Variants in CFAP299 observed in about 807,000 individuals in gnomAD.
The protein encoded by CFAP299 is cilia and flagella associated protein 299.
In CFAP299, 21 loss-of-function variants were observed where a neutral mutation model predicts 27.0. That is an observed-to-expected ratio of 0.78 (90% confidence interval 0.55 to 1.12). The LOEUF (loss-of-function observed/expected upper bound fraction) is 1.12. CFAP299 is among the 50% of genes most tolerant of loss of function. The pLI, the probability that CFAP299 is intolerant of heterozygous loss-of-function variation, is 0.00. For missense variants in CFAP299, 310 were observed against 276.6 expected (o/e 1.12, Z -0.86); for synonymous variants, 104 against 98.1 (o/e 1.06, Z -0.36).
chr4:80,668,126 T>C (rs1741233663), intron 3 of CFAP299, among the ~76,000 whole-genome samples: 1 of 148,286 alleles, frequency 6.7e-6, no homozygotes, highest in Non-Finnish European at 1.5e-5. Flanking sequence ...TTGGGAAATA[T>C]CTATTCAGTT....
At chr4:80,800,611 T>G (rs1423178860) in intron 3 of CFAP299, among the ~76,000 whole-genome samples, 1 of 98,470 alleles carries the variant, frequency 1.0e-5, no homozygotes, top group Non-Finnish European at 1.8e-5. Flanking sequence ...TATAAATATA[T>G]AATATATAAT....
chr4:80,665,805 T>G (rs2109986910), intron 3 of CFAP299, among the ~76,000 whole-genome samples: 1 of 152,270 alleles, frequency 6.6e-6, no homozygotes, highest in Middle Eastern at 3.4e-3. Context: ...TTCAGTACAA[T>G]CGCCTTGGTA....
At chr4:80,596,475 T>C (rs1737068823) in intron 3 of CFAP299, among the ~76,000 whole-genome samples, 1 of 152,194 alleles carries the variant, frequency 6.6e-6, no homozygotes, top group South Asian at 2.1e-4. Context: ...CTTTTAAATA[T>C]TTAGGGCTTT....
At chr4:80,748,372 A>T (rs1724739489) in intron 3 of CFAP299, among the ~76,000 whole-genome samples, 1 of 152,132 alleles carries the variant, frequency 6.6e-6, no homozygotes, top group African/African-American at 2.4e-5. Context: ...AAATAATTTA[A>T]CATGTCTTTA....
At chr4:80,506,232 C>T (rs552707902) in intron 2 of CFAP299, among the ~76,000 whole-genome samples, 62 of 152,112 alleles carry the variant, frequency 4.1e-4, no homozygotes, top group African/African-American at 1.5e-3. Context: ...TATTGGTTCT[C>T]ATTTTAAAAA....
At chr4:80,810,718 C>CTGTGAGATGA (rs1189127740) in intron 3 of CFAP299, among the ~76,000 whole-genome samples, 1 of 152,086 alleles carries the variant, frequency 6.6e-6, no homozygotes, top group Admixed American at 6.6e-5. Context: ...GCCTCAGGAA[C>CTGTGAGATGA]TGTGAGATGA....
chr4:80,564,373 A>G (rs1422049840), intron 2 of CFAP299, among the ~76,000 whole-genome samples: 2 of 152,066 alleles, frequency 1.3e-5, no homozygotes, highest in East Asian at 1.9e-4. Flanking sequence ...AGATGTTTCA[A>G]CATATGCAAG....
intron 3 of CFAP299, among the ~76,000 whole-genome samples, chr4:80,652,318 A>G (rs1351018892): frequency 6.6e-6 from 1 of 152,178 alleles, no homozygotes; most frequent in African/African-American, 2.4e-5. Flanking sequence ...AATATTTTAT[A>G]AAATATGTAT....
chr4:80,696,379 A>G (rs1331875920), intron 3 of CFAP299, among the ~76,000 whole-genome samples: 2 of 152,114 alleles, frequency 1.3e-5, no homozygotes, highest in African/African-American at 4.8e-5. Context: ...TTCAGAGAAT[A>G]GACAGGAAAA....
chr4:80,877,203 T>A (rs1733425637), intron 4 of CFAP299, among the ~76,000 whole-genome samples: 1 of 152,182 alleles, frequency 6.6e-6, no homozygotes, highest in African/African-American at 2.4e-5. Context: ...TTCAAAAAAA[T>A]TTTGTAATAT....
At chr4:80,706,355 A>C (rs995189602) in intron 3 of CFAP299, among the ~76,000 whole-genome samples, 7 of 151,790 alleles carry the variant, frequency 4.6e-5, no homozygotes, top group Non-Finnish European at 8.8e-5. Flanking sequence ...AAAAAATCCC[A>C]CTTATATTAA....
intron 4 of CFAP299, among the ~76,000 whole-genome samples, chr4:80,942,671 T>C (rs956251167): frequency 7.9e-5 from 12 of 152,266 alleles, no homozygotes; most frequent in African/African-American, 2.4e-4. Flanking sequence ...AATAAGACTT[T>C]TAATTTGGGG....
chr4:80,414,094 G>A (rs1442513069), intron 2 of CFAP299, among the ~76,000 whole-genome samples: 4 of 126,908 alleles, frequency 3.2e-5, no homozygotes, highest in Middle Eastern at 5.0e-3. Flanking sequence ...TTTTTGAGAC[G>A]GAGTCTCGCT....
At chr4:80,799,859 ATATAT>A in intron 3 of CFAP299, among the ~76,000 whole-genome samples, 32 of 30,286 alleles carry the variant, frequency 1.1e-3, no homozygotes, top group South Asian at 3.9e-3. Flanking sequence ...ATATATAAAT[ATATAT>A]TATATATATT....
At chr4:80,841,909 A>G (rs945378660) in intron 3 of CFAP299, among the ~76,000 whole-genome samples, 3 of 152,138 alleles carry the variant, frequency 2.0e-5, no homozygotes, top group African/African-American at 4.8e-5. Context: ...AGGTCTTGGC[A>G]AGAAGACAAC....
chr4:80,724,066 A>G (rs1368677949), intron 3 of CFAP299, among the ~76,000 whole-genome samples: 1 of 152,092 alleles, frequency 6.6e-6, no homozygotes, highest in Admixed American at 6.5e-5. Flanking sequence ...CTTGGATCCA[A>G]CTCTGTAGCT....
intron 3 of CFAP299, among the ~76,000 whole-genome samples, chr4:80,840,978 C>A (rs942313682): frequency 1.3e-5 from 2 of 152,004 alleles, no homozygotes; most frequent in African/African-American, 4.8e-5. Context: ...TCACTCTCAT[C>A]CAGTTGAGAA....
chr4:80,578,305 C>A (rs1289177503), intron 2 of CFAP299, among the ~76,000 whole-genome samples: 10 of 152,150 alleles, frequency 6.6e-5, no homozygotes, highest in Admixed American at 5.2e-4. Flanking sequence ...TTAAGAATTC[C>A]TTACCTCACA....
chr4:80,513,070 T>C (rs1473594067), intron 2 of CFAP299, among the ~76,000 whole-genome samples: 1 of 152,198 alleles, frequency 6.6e-6, no homozygotes, highest in Non-Finnish European at 1.5e-5. Context: ...TTATATATGC[T>C]CAGGTCCCCT....
Sources: allele counts gnomAD v4.1 joint callset (sites outside exome capture counted in the v4.1 genomes callset), GRCh38; gene constraint gnomAD v4.1.1; transcripts MANE v1.5; gene names NCBI Gene and HGNC (gene_info 2026-07-23, HGNC 2026-07-21).